Variants in CHD6 observed in about 807,000 individuals in gnomAD.
CHD6 encodes ATP-dependent chromatin remodeler CHD6.
CHD6 carries 50 observed loss-of-function variants against 276.9 expected under a neutral mutation model. The ratio of observed to expected loss-of-function variants is 0.18; its 90% CI spans 0.14 to 0.23. The LOEUF is 0.23. CHD6 is among the 10% of genes least tolerant of loss of function. The pLI, the probability that CHD6 is intolerant of heterozygous loss-of-function variation, is 1.00. For synonymous variants in CHD6, 1,173 were observed against 1,229.3 expected, an observed-to-expected ratio of 0.95 and a Z score of 0.96; for missense variants, 2,564 against 3,365.8, an observed-to-expected ratio of 0.76 and a Z score of 5.89.
chr20:41,564,760 G>A (rs1040113608), intron 1 of CHD6, among the ~76,000 whole-genome samples: 4 of 152,184 alleles, frequency 2.6e-5, no homozygotes, highest in African/African-American at 9.7e-5. Flanking sequence ...CACCCAACAT[G>A]TATAATGGGT....
At chr20:41,416,114 C>T (rs1275687075) in intron 33 of CHD6, among the ~76,000 whole-genome samples, 1 of 152,204 alleles carries the variant, frequency 6.6e-6, no homozygotes, top group African/African-American at 2.4e-5. Flanking sequence ...ATCACCCCCA[C>T]CAAAACGCTC....
Position 41,493,278 on chromosome 20 carries a change from G to A in CHD6, c.1314+260C>T, listed in dbSNP as rs8114851. On this transcript the variant is annotated intron_variant, in intron 10 of 36. Coordinates refer to ENST00000373233, the MANE Select transcript of CHD6 (RefSeq NM_032221.5). ...ATTTTACTGACTCCATACAACAGCC[G>A]CACACCAAGAAATCTAAGCCAATAT... is the stretch of plus-strand genomic sequence containing the variant. Among the ~76,000 whole-genome samples the A allele has an allele frequency of 7.3e-3, 1,115 of 152,066 alleles. 15 individuals carry two copies. The highest frequency in any genetic ancestry group is 0.026 in the African/African-American group (1,075 of 41,482).
At chr20:41,504,398 ATTTTCTT>A (rs1182784238) in intron 5 of CHD6, among the ~76,000 whole-genome samples, 8 of 95,326 alleles carry the variant, frequency 8.4e-5, no homozygotes, top group African/African-American at 3.2e-4. Flanking sequence ...CTTTTCCTCT[ATTTTCTT>A]TTTTTTTTTT....
chr20:41,548,438 G>C (rs1601127589), intron 2 of CHD6, among the ~76,000 whole-genome samples: 1 of 152,126 alleles, frequency 6.6e-6, no homozygotes, highest in Non-Finnish European at 1.5e-5. Context: ...AATCACTAAA[G>C]AATGTTTTGA....
chr20:41,475,839 T>C (rs1164457736), intron 16 of CHD6, among the ~76,000 whole-genome samples: 1 of 152,176 alleles, frequency 6.6e-6, no homozygotes, highest in African/African-American at 2.4e-5. Context: ...ATAGTGATGA[T>C]ACAGCTCAGC....
chr20:41,414,670 G>GT, intron 34 of CHD6: 1 of 245,476 alleles, frequency 4.1e-6, no homozygotes, highest in Non-Finnish European at 7.5e-6. Context: ...CATGATCTCC[G>GT]TAAATCTTCA....
chr20:41,606,240 G>A (rs1168208605), intron 1 of CHD6, among the ~76,000 whole-genome samples: 2 of 151,752 alleles, frequency 1.3e-5, no homozygotes, highest in Admixed American at 6.6e-5. Flanking sequence ...GGCCAGGTGT[G>A]GTAGCTCACG....
intron 1 of CHD6, among the ~76,000 whole-genome samples, chr20:41,594,098 T>C (rs2146269159): frequency 6.6e-6 from 1 of 152,276 alleles, no homozygotes; most frequent in Admixed American, 6.5e-5. Flanking sequence ...TCTCAATTAT[T>C]GAAAAAAACA....
In CHD6 at chr20:41,533,586, A is replaced by G. The variant is rs2044745885; in HGVS notation, c.34-16T>C. 6.3e-7 allele frequency: 1 copy of G among 1,581,974 alleles called. No homozygotes were observed. Among genetic ancestry groups the G allele is most frequent in the Non-Finnish European group, 8.5e-7 (1 of 1,170,198 alleles). On this transcript the variant is annotated splice_polypyrimidine_tract_variant and intron_variant, in intron 2 of 36. Transcript: ENST00000373233. ...AATTTGACAACTGTAAAAGAAAGAGAAACAAGCATATTACCCTTCCAATTC... is the reference window on the plus strand; with the variant it reads ...AATTTGACAACTGTAAAAGAAAGAGGAACAAGCATATTACCCTTCCAATTC...
At chr20:41,618,259 CG>C in intron 1 of CHD6, 80 bp downstream of exon 1, 1 of 151,892 alleles carries the variant, frequency 6.6e-6, no homozygotes, top group Non-Finnish European at 1.5e-5. Context: ...ACCCGGCCGG[CG>C]GGGCGGGGCC....
At chr20:41,585,470 T>G (rs939539942) in intron 1 of CHD6, among the ~76,000 whole-genome samples, 1 of 145,014 alleles carries the variant, frequency 6.9e-6, no homozygotes, top group African/African-American at 2.6e-5. Context: ...ATCGCACCAT[T>G]GCACTCCAGC....
intron 16 of CHD6, among the ~76,000 whole-genome samples, chr20:41,478,591 A>G (rs2043220002): frequency 6.6e-6 from 1 of 152,146 alleles, no homozygotes; most frequent in Non-Finnish European, 1.5e-5. Flanking sequence ...ACCCCCAGAA[A>G]GCAGAGAAAT....
At chr20:41,613,372 T>G (rs1461770502) in intron 1 of CHD6, among the ~76,000 whole-genome samples, 2 of 152,248 alleles carry the variant, frequency 1.3e-5, no homozygotes, top group East Asian at 3.8e-4. Flanking sequence ...TGGCCTCCCC[T>G]CTAGTCCCAT....
intron 1 of CHD6, among the ~76,000 whole-genome samples, chr20:41,591,701 A>G (rs2045663142): frequency 1.3e-5 from 2 of 152,182 alleles, no homozygotes; most frequent in East Asian, 1.9e-4. Context: ...ATCAAAAGAA[A>G]AAACAAAGCC....
At chr20:41,554,789 C>G (rs1361803294) in intron 1 of CHD6, among the ~76,000 whole-genome samples, 2 of 152,196 alleles carry the variant, frequency 1.3e-5, no homozygotes, top group Admixed American at 6.5e-5. Context: ...TCTTTCTACA[C>G]AGACACGGCA....
rs746991792 is a variant in CHD6, at chr20:41,489,869, G to A, written c.1589C>T (p.Thr530Ile). The A allele has an allele frequency of 3.1e-6, 5 of 1,613,988 alleles. No homozygotes were observed. The highest frequency in any genetic ancestry group is 4.2e-6 in the Non-Finnish European group (5 of 1,179,946). ...CACAATGGCATTCATCTCTGTCCAT[G>A]TCCGGAACTCCCGCTCCCAGTTAGT... ...TITNWEREFR[T>I]WTEMNAIVYH... Residue 530 changes from threonine to isoleucine, a missense_variant, in exon 12 of 37, where the codon ACA becomes ATA. By Grantham distance (89) the Thr-to-Ile change is moderately conservative. Around this residue, in one of 7 missense-constraint regions of CHD6, gnomAD observed 457 missense variants for 889.0 expected, o/e 0.51. Coordinates refer to ENST00000373233, the MANE Select transcript of CHD6 (RefSeq NM_032221.5).
chr20:41,503,912 T>C (rs1039223100), intron 5 of CHD6, among the ~76,000 whole-genome samples: 1 of 151,612 alleles, frequency 6.6e-6, no homozygotes, highest in Non-Finnish European at 1.5e-5. Flanking sequence ...GCCCCATCTC[T>C]ACTAAAAATA....
intron 5 of CHD6, among the ~76,000 whole-genome samples, chr20:41,504,963 C>A (rs572444267): frequency 6.6e-6 from 1 of 152,102 alleles, no homozygotes; most frequent in African/African-American, 2.4e-5. Flanking sequence ...ACAACCAGGG[C>A]GAGGGGGTGG....
At chr20:41,414,824 C>T (rs1332898640) in intron 34 of CHD6, 4 of 1,148,930 alleles carry the variant, frequency 3.5e-6, no homozygotes, top group Non-Finnish European at 4.3e-6. Context: ...TCCCATACCC[C>T]AGTCTTGGAG....
Sources: gnomAD v4.1 joint callset for allele counts (sites outside exome capture counted in the v4.1 genomes callset) on GRCh38, gnomAD v4.1.1 for gene constraint, gnomAD v4.1.1 regional missense constraint, MANE v1.5 for transcripts, NCBI Gene and HGNC (gene_info 2026-07-23, HGNC 2026-07-21) for gene names.